GPM6A: variants seen among roughly 807,000 people sequenced by gnomAD.
GPM6A encodes the protein glycoprotein M6A.
In GPM6A, 7 loss-of-function variants were observed where a neutral mutation model predicts 32.1. The ratio of observed to expected loss-of-function variants is 0.22; its 90% CI spans 0.12 to 0.41. The LOEUF is 0.41. Ranked by LOEUF, GPM6A falls within the 10% of genes least tolerant of loss-of-function variation. The pLI is 1.00. For missense variants in GPM6A, 235 were observed against 347.2 expected, an observed-to-expected ratio of 0.68 and a Z score of 2.57; for synonymous variants, 130 against 123.4, an observed-to-expected ratio of 1.05 and a Z score of -0.35.
intron 1 of GPM6A, among the ~76,000 whole-genome samples, chr4:175,937,250 A>C (rs1416109888): frequency 6.6e-6 from 1 of 152,140 alleles, no homozygotes; most frequent in East Asian, 1.9e-4. Context: ...CAAACTTTTC[A>C]TTGTAGCATT....
chr4:175,738,430 G>C (rs898460429), intron 1 of GPM6A, among the ~76,000 whole-genome samples: 1 of 151,942 alleles, frequency 6.6e-6, no homozygotes, highest in Non-Finnish European at 1.5e-5. Context: ...TCTCTTGGTG[G>C]CACTAATTTG....
Position 175,686,637 on chromosome 4 carries a change from G to A in GPM6A, c.231-12801C>T, listed in dbSNP as rs7679342. ...CAGAATTTCCCCTACCAATCTCCGG[G>A]AAGAGGCCACCCTTGCTGACGCCTT... On this transcript the variant is annotated intron_variant, in intron 2 of 6. Coordinates refer to ENST00000393658, the MANE Select transcript of GPM6A (RefSeq NM_201591.3). 7.8e-3 allele frequency among the ~76,000 whole-genome samples: 1,189 copies of A among 152,330 alleles called. 16 individuals carry two copies. Among genetic ancestry groups the A allele is most frequent in the African/African-American group, 0.026 (1,076 of 41,588 alleles).
intron 1 of GPM6A, among the ~76,000 whole-genome samples, chr4:175,837,558 T>C (rs1735806426): frequency 1.3e-5 from 2 of 152,018 alleles, no homozygotes; most frequent in Non-Finnish European, 2.9e-5. Flanking sequence ...ATTTTGGCAA[T>C]ATTTTGAAGA....
chr4:175,911,048 C>T (rs1738298796), intron 1 of GPM6A, among the ~76,000 whole-genome samples: 1 of 152,116 alleles, frequency 6.6e-6, no homozygotes. Flanking sequence ...CTTACACATC[C>T]TATGCCCCGA....
At chr4:175,639,101 C>A (rs751557537) in intron 6 of GPM6A, among the ~76,000 whole-genome samples, 6 of 151,956 alleles carry the variant, frequency 3.9e-5, no homozygotes, top group Non-Finnish European at 7.4e-5. Flanking sequence ...GCTAAAGTAA[C>A]AAAACATCAA....
At chr4:175,870,492 T>A (rs1736873295) in intron 1 of GPM6A, among the ~76,000 whole-genome samples, 1 of 152,218 alleles carries the variant, frequency 6.6e-6, no homozygotes, top group Non-Finnish European at 1.5e-5. Context: ...ACAATAAAAA[T>A]AATGTATATA....
chr4:175,646,277 T>G (rs1741459161), intron 4 of GPM6A, among the ~76,000 whole-genome samples: 1 of 152,230 alleles, frequency 6.6e-6, no homozygotes, highest in African/African-American at 2.4e-5. Context: ...TTAGCAGAAA[T>G]GAATATAGTT....
intron 3 of GPM6A, among the ~76,000 whole-genome samples, chr4:175,663,694 ATTT>A (rs34558330): frequency 2.8e-5 from 4 of 141,376 alleles, no homozygotes. Context: ...TAAAATGTAA[ATTT>A]TTTTTTTTTT....
intron 6 of GPM6A, among the ~76,000 whole-genome samples, chr4:175,636,957 T>C (rs2110864639): frequency 7.3e-6 from 1 of 136,438 alleles, no homozygotes; most frequent in East Asian, 2.0e-4. Flanking sequence ...TATATATATG[T>C]ATTTATATAT....
intron 1 of GPM6A, chr4:175,962,474 A>C (rs1579667898): frequency 4.8e-6 from 3 of 618,616 alleles, no homozygotes; most frequent in Non-Finnish European, 3.1e-6. Flanking sequence ...TGCTTCTCCA[A>C]TGCGCAAGTG....
chr4:175,960,817 T>C (rs1561012725), intron 1 of GPM6A: 1 of 152,242 alleles, frequency 6.6e-6, no homozygotes, highest in Non-Finnish European at 1.5e-5. Flanking sequence ...AATTCTGTGA[T>C]GCAATGACTA....
chr4:175,764,788 T>C (rs1011799919), intron 1 of GPM6A, among the ~76,000 whole-genome samples: 3 of 151,370 alleles, frequency 2.0e-5, no homozygotes, highest in African/African-American at 7.3e-5. Flanking sequence ...TGCACATCCA[T>C]ATTAAATTTT....
rs550276519 is a variant in GPM6A, at chr4:175,684,812, C to A, written c.231-10976G>T. Among the ~76,000 whole-genome samples, 5 of 152,100 alleles carry A rather than the reference C, an allele frequency of 3.3e-5. No individual in the cohort carries two copies. In the East Asian group the frequency reaches 9.7e-4, roughly 29 times the overall value. ...GTCTTAATATCTTGTAAGATTAGATCTCTCATAGCTCTCCCTTCTTTGTAT... is the reference window on the plus strand; with the variant it reads ...GTCTTAATATCTTGTAAGATTAGATATCTCATAGCTCTCCCTTCTTTGTAT... On this transcript the variant is annotated intron_variant, in intron 2 of 6. Transcript: ENST00000393658.
rs137924522 is a variant in GPM6A at position 175,659,721 on chromosome 4, C to T, written c.388-7734G>A. Among the ~76,000 whole-genome samples the T allele has an allele frequency of 2.2e-3, 332 of 152,270 alleles. 1 individual carries two copies. Among genetic ancestry groups the T allele is most frequent in the Non-Finnish European group, 4.1e-3 (278 of 68,022 alleles). On this transcript the variant is annotated intron_variant, in intron 3 of 6. Transcript: ENST00000393658. The stretch of plus-strand genomic sequence containing the variant: ...AAATTAATAGAAATCAGAGCATGAG[C>T]TCTTGTGCTTAGATGGGGAAATATA...
chr4:175,825,528 A>C (rs1355276028), intron 1 of GPM6A, among the ~76,000 whole-genome samples: 3 of 152,182 alleles, frequency 2.0e-5, no homozygotes, highest in Admixed American at 1.3e-4. Context: ...TTAAGGAGCT[A>C]ATGTCAGGTT....
intron 1 of GPM6A, among the ~76,000 whole-genome samples, chr4:175,762,496 GTATTGC>G (rs1298588136): frequency 6.6e-6 from 1 of 152,050 alleles, no homozygotes; most frequent in Non-Finnish European, 1.5e-5. Flanking sequence ...CTTTTATCGA[GTATTGC>G]TATGTTTAGT....
chr4:175,750,441 T>C (rs552269910), intron 1 of GPM6A, among the ~76,000 whole-genome samples: 96 of 152,190 alleles, frequency 6.3e-4, no homozygotes, highest in African/African-American at 2.1e-3. Flanking sequence ...CTTTAATGTG[T>C]ACCGGAGCAC....
intron 4 of GPM6A, among the ~76,000 whole-genome samples, chr4:175,648,629 C>A (rs1171757309): frequency 6.6e-6 from 1 of 152,212 alleles, no homozygotes; most frequent in Non-Finnish European, 1.5e-5. Context: ...ATCAGGGCTG[C>A]ACTTCTCTGG....
In GPM6A at chr4:175,987,136, C is replaced by T. The variant is rs767179623; in HGVS notation, c.-23+15173G>A. On this transcript the variant is annotated intron_variant, in intron 1 of 7. Coordinates refer to the GPM6A transcript ENST00000280187. ...TAATTCCTACGGTTTTATTATTATA[C>T]CAAGTACCATATTTTATCTTTCTTT... Among the ~76,000 whole-genome samples the T allele has an allele frequency of 3.9e-5, 6 of 152,268 alleles. No individual in the cohort carries two copies. In the South Asian group the frequency reaches 6.2e-4, roughly 16 times the overall value.
Sources: gnomAD v4.1 joint callset for allele counts (sites outside exome capture counted in the v4.1 genomes callset) on GRCh38, gnomAD v4.1.1 for gene constraint, MANE v1.5 for transcripts, NCBI Gene and HGNC (gene_info 2026-07-23, HGNC 2026-07-21) for gene names.